The following BDNF variants were observed in gnomAD, a reference collection of about 807,000 sequenced individuals.
The protein encoded by BDNF is neurotrophic factor BDNF precursor form.
BDNF carries 1 observed loss-of-function variant against 19.5 expected under a neutral mutation model. The observed-to-expected ratio is 0.05, with a 90% CI of 0.02 to 0.24. The LOEUF is 0.24. Among genes scored for constraint, BDNF ranks in the 10% least tolerant of loss-of-function variants. The pLI is 1.00. For missense variants in BDNF, 195 were observed against 317.6 expected (o/e 0.61, Z 2.93); for synonymous variants, 100 against 121.6 (o/e 0.82, Z 1.17).
At chr11:27,678,579 G>A (rs1019487903) in intron 1 of BDNF, among the ~76,000 whole-genome samples, 8 of 152,176 alleles carry the variant, frequency 5.3e-5, no homozygotes, top group African/African-American at 1.2e-4. Context: ...ATACTGATAC[G>A]AACACGAATG....
chr11:27,667,692 G>C lies in BDNF; in HGVS notation c.-21-9107C>G, dbSNP rs1474942583. Among the ~76,000 whole-genome samples the C allele has an allele frequency of 9.2e-5, 14 of 152,276 alleles. No individual in the cohort carries two copies. In the East Asian group the frequency reaches 2.7e-3, roughly 29 times the overall value. On this transcript the variant is annotated intron_variant, in intron 1 of 1. Coordinates refer to ENST00000356660, the MANE Select transcript of BDNF (RefSeq NM_001709.5). The stretch of plus-strand genomic sequence containing the variant: ...AAGAAGGCCATTACATAATGATAAA[G>C]GGATCAATTCAACAAGAAGAGCTAA...
At chr11:27,688,372 G>T (rs1395734165) in intron 1 of BDNF, among the ~76,000 whole-genome samples, 1 of 152,212 alleles carries the variant, frequency 6.6e-6, no homozygotes, top group African/African-American at 2.4e-5. Flanking sequence ...TGCTGAGCTA[G>T]ATCACTTGGC....
rs552384182 is a variant in BDNF at position 27,684,802 on chromosome 11, A to AG, written c.-22+15361dup. ...GATGTGCTGCTGGATTCAGTTTACC[A>AG]GTTTTTTATTGAAGATTTTTGCATC... On this transcript the variant is annotated intron_variant, in intron 1 of 1. Coordinates refer to ENST00000356660, the MANE Select transcript of BDNF (RefSeq NM_001709.5). 6.6e-4 allele frequency among the ~76,000 whole-genome samples: 101 copies of AG among 152,270 alleles called. No individual in the cohort carries two copies. The Middle Eastern group carries it at 0.027, about 41-fold the overall frequency.
intron 1 of BDNF, among the ~76,000 whole-genome samples, chr11:27,714,943 A>G (rs1860459313): frequency 6.6e-6 from 1 of 152,256 alleles, no homozygotes; most frequent in Non-Finnish European, 1.5e-5. Context: ...GAAAAAAGGA[A>G]TCTTATGAGT....
At chr11:27,709,512 AC>A (rs2134102492) in intron 1 of BDNF, among the ~76,000 whole-genome samples, 1 of 152,352 alleles carries the variant, frequency 6.6e-6, no homozygotes, top group East Asian at 1.9e-4. Context: ...CATTAAAGTA[AC>A]TAAAATCTTG....
intron 1 of BDNF, among the ~76,000 whole-genome samples, chr11:27,679,501 A>T (rs1856593483): frequency 6.6e-6 from 1 of 152,332 alleles, no homozygotes; most frequent in East Asian, 1.9e-4. Context: ...CAAAGTGGGA[A>T]TAATTAACTT....
At chr11:27,721,841 A>G in exon 1 of BDNF, 1 of 203,716 alleles carries the variant, frequency 4.9e-6, no homozygotes, top group Non-Finnish European at 1.0e-5. Flanking sequence ...AGAGAAAGTG[A>G]GGAGTTTCAG....
chr11:27,702,734 G>A (rs996207551), upstream of BDNF, among the ~76,000 whole-genome samples: 4 of 152,008 alleles, frequency 2.6e-5, no homozygotes, highest in Non-Finnish European at 4.4e-5. Flanking sequence ...AGCTATTTTA[G>A]AACTTCTAAA....
chr11:27,712,932 T>A (rs398045770), intron 1 of BDNF, among the ~76,000 whole-genome samples: 1 of 142,572 alleles, frequency 7.0e-6, no homozygotes, highest in Non-Finnish European at 1.5e-5. Context: ...TCTTTCTTTT[T>A]TTTTTTTTTT....
intron 1 of BDNF, among the ~76,000 whole-genome samples, chr11:27,708,339 A>G (rs979369938): frequency 6.6e-6 from 1 of 152,226 alleles, no homozygotes; most frequent in Non-Finnish European, 1.5e-5. Context: ...ATTACCTTCC[A>G]TCTTGTCCGC....
intron 1 of BDNF, among the ~76,000 whole-genome samples, chr11:27,688,462 A>C (rs1265055538): frequency 6.6e-6 from 1 of 152,182 alleles, no homozygotes; most frequent in Non-Finnish European, 1.5e-5. Context: ...GGTATGAGAA[A>C]AAACTCCTGC....
intron 1 of BDNF, among the ~76,000 whole-genome samples, chr11:27,718,351 A>T: frequency 2.3e-5 from 2 of 87,468 alleles, no homozygotes; most frequent in Admixed American, 1.2e-4. Flanking sequence ...CGTTCCGCAC[A>T]CCACCCCCCC....
chr11:27,678,125 C>G (rs1461536168), intron 1 of BDNF, among the ~76,000 whole-genome samples: 1 of 152,174 alleles, frequency 6.6e-6, no homozygotes, highest in African/African-American at 2.4e-5. Context: ...ACAAATTAGA[C>G]AAATTCATGG....
chr11:27,715,363 C>T (rs533999357), intron 1 of BDNF, among the ~76,000 whole-genome samples: 30 of 152,256 alleles, frequency 2.0e-4, no homozygotes, highest in African/African-American at 7.0e-4. Flanking sequence ...CTTCCCAGAA[C>T]CCAGATTCTA....
intron 1 of BDNF, among the ~76,000 whole-genome samples, chr11:27,662,544 G>C (rs1853629066): frequency 6.6e-6 from 1 of 152,196 alleles, no homozygotes; most frequent in Admixed American, 6.5e-5. Context: ...AACCAGTTTT[G>C]TGGAAGACAA....
intron 1 of BDNF, among the ~76,000 whole-genome samples, chr11:27,709,514 T>C (rs532620218): frequency 1.3e-5 from 2 of 152,332 alleles, no homozygotes; most frequent in South Asian, 4.1e-4. Flanking sequence ...TTAAAGTAAC[T>C]AAAATCTTGC....
chr11:27,665,302 G>C (rs1411093077), intron 1 of BDNF: 1 of 152,194 alleles, frequency 6.6e-6, no homozygotes, highest in Non-Finnish European at 1.5e-5. Flanking sequence ...GGAAAGGGAG[G>C]TTCCAAGATG....
At chr11:27,705,747 T>G (rs1251303423) in intron 1 of BDNF, among the ~76,000 whole-genome samples, 1 of 152,228 alleles carries the variant, frequency 6.6e-6, no homozygotes, top group Non-Finnish European at 1.5e-5. Context: ...TACAGAATCA[T>G]TTGGAAACAT....
intron 1 of BDNF, among the ~76,000 whole-genome samples, chr11:27,714,469 G>A (rs558216901): frequency 6.6e-6 from 1 of 152,162 alleles, no homozygotes; most frequent in African/African-American, 2.4e-5. Context: ...AAATTTGATA[G>A]CAGGTCTTCC....
Sources: allele counts gnomAD v4.1 joint callset (sites outside exome capture counted in the v4.1 genomes callset), GRCh38; gene constraint gnomAD v4.1.1; transcripts MANE v1.5; gene names NCBI Gene and HGNC (gene_info 2026-07-23, HGNC 2026-07-21).